The following GRIN3A variants were observed in gnomAD, a reference collection of about 807,000 sequenced individuals.
GRIN3A encodes the protein glutamate ionotropic receptor NMDA type subunit 3A.
GRIN3A carries 47 observed loss-of-function variants against 92.4 expected under a neutral mutation model. The ratio of observed to expected loss-of-function variants is 0.51; its 90% CI spans 0.40 to 0.65. GRIN3A has a LOEUF of 0.65. Among genes scored for constraint, GRIN3A ranks in the 30% least tolerant of loss-of-function variants. The probability of loss-of-function intolerance (pLI) is 0.00; values close to 1 mark genes in which losing one functional copy is unlikely to be tolerated. For missense variants in GRIN3A, 1,324 were observed against 1,393.1 expected, an observed-to-expected ratio of 0.95 and a Z score of 0.79; for synonymous variants, 527 against 540.6, an observed-to-expected ratio of 0.97 and a Z score of 0.35.
chr9:101,650,088 C>G (rs1355716377), intron 3 of GRIN3A, among the ~76,000 whole-genome samples: 1 of 152,022 alleles, frequency 6.6e-6, no homozygotes, highest in African/African-American at 2.4e-5. Flanking sequence ...TGGCTACTTA[C>G]CTGTTTATTT....
chr9:101,702,591 C>T (rs1431021318), intron 1 of GRIN3A, among the ~76,000 whole-genome samples: 2 of 152,124 alleles, frequency 1.3e-5, no homozygotes, highest in African/African-American at 4.8e-5. Flanking sequence ...TGCCACAGGC[C>T]ACTGTCTTTG....
chr9:101,702,336 T>A (rs922361088), intron 1 of GRIN3A, among the ~76,000 whole-genome samples: 3 of 152,134 alleles, frequency 2.0e-5, no homozygotes, highest in African/African-American at 7.2e-5. Flanking sequence ...TCACTTTACA[T>A]TTTCTTATCC....
chr9:101,628,188 T>C, intron 4 of GRIN3A, 68 bp downstream of exon 4: 1 of 1,505,500 alleles, frequency 6.6e-7, no homozygotes, highest in East Asian at 2.3e-5. Context: ...TAACATATAC[T>C]GCGTCAGTAG....
chr9:101,654,692 T>C (rs1444194714), intron 3 of GRIN3A, among the ~76,000 whole-genome samples: 1 of 151,808 alleles, frequency 6.6e-6, no homozygotes, highest in Non-Finnish European at 1.5e-5. Context: ...TAATTCATCA[T>C]TCAGAATTCA....
intron 2 of GRIN3A, among the ~76,000 whole-genome samples, chr9:101,678,375 T>C (rs999456050): frequency 1.3e-5 from 2 of 152,178 alleles, no homozygotes; most frequent in East Asian, 3.9e-4. Context: ...GGAACCTCTC[T>C]GATGAGAAGG....
At chr9:101,710,736 A>G (rs1285220243) in intron 1 of GRIN3A, among the ~76,000 whole-genome samples, 2 of 152,254 alleles carry the variant, frequency 1.3e-5, no homozygotes, top group East Asian at 1.9e-4. Flanking sequence ...TGTGGTACAG[A>G]GTTGACTGGC....
chr9:101,704,025 G>A (rs1829784152), intron 1 of GRIN3A, among the ~76,000 whole-genome samples: 3 of 152,046 alleles, frequency 2.0e-5, no homozygotes, highest in African/African-American at 7.2e-5. Context: ...AAGCGAAAGG[G>A]CTTCCTTTAA....
chr9:101,715,529 T>C (rs943880135), intron 1 of GRIN3A, among the ~76,000 whole-genome samples: 1 of 152,190 alleles, frequency 6.6e-6, no homozygotes, highest in Admixed American at 6.5e-5. Flanking sequence ...TTAAGAGTGA[T>C]TGTCTCTGGA....
chr9:101,726,717 T>A (rs1830085894), intron 1 of GRIN3A, among the ~76,000 whole-genome samples: 1 of 150,640 alleles, frequency 6.6e-6, no homozygotes, highest in African/African-American at 2.4e-5. Context: ...AAATTTATGT[T>A]TTTAAAATTT....
At chr9:101,652,853 ATGGC>A (rs1829032137) in intron 3 of GRIN3A, among the ~76,000 whole-genome samples, 1 of 151,964 alleles carries the variant, frequency 6.6e-6, no homozygotes, top group African/African-American at 2.4e-5. Flanking sequence ...GCCATGAATT[ATGGC>A]TTTTATGAGA....
intron 1 of GRIN3A, among the ~76,000 whole-genome samples, chr9:101,703,921 C>T (rs757807545): frequency 3.9e-5 from 6 of 152,130 alleles, no homozygotes; most frequent in Non-Finnish European, 8.8e-5. Context: ...TCAACATCTC[C>T]ATCTTGATCT....
chr9:101,679,158 G>C (rs993669657), intron 2 of GRIN3A, among the ~76,000 whole-genome samples: 1 of 152,122 alleles, frequency 6.6e-6, no homozygotes, highest in Non-Finnish European at 1.5e-5. Context: ...AGGGTTGTAG[G>C]GTATGCAGAT....
intron 5 of GRIN3A, among the ~76,000 whole-genome samples, chr9:101,617,192 G>A (rs1828470802): frequency 1.5e-5 from 2 of 132,830 alleles, no homozygotes; most frequent in African/African-American, 6.2e-5. Flanking sequence ...GGGCGACAGA[G>A]CGAGACTCCG....
At chr9:101,729,853 G>A (rs964097636) in intron 1 of GRIN3A, among the ~76,000 whole-genome samples, 9 of 152,098 alleles carry the variant, frequency 5.9e-5, no homozygotes, top group African/African-American at 2.2e-4. Context: ...CAAACCTGAA[G>A]CCCAAGTCGT....
chr9:101,654,910 T>C (rs1018893145), intron 3 of GRIN3A, among the ~76,000 whole-genome samples: 3 of 151,916 alleles, frequency 2.0e-5, no homozygotes, highest in African/African-American at 7.2e-5. Context: ...GCTATTGTAT[T>C]CCTAGCCTTT....
At chr9:101,660,577 T>C (rs1378029998) in intron 3 of GRIN3A, among the ~76,000 whole-genome samples, 2 of 151,838 alleles carry the variant, frequency 1.3e-5, no homozygotes, top group African/African-American at 2.4e-5. Context: ...CAGTGGTAGA[T>C]AGAATAAGAA....
At position 101,573,315 on chromosome 9, in the gene GRIN3A, A is replaced by C. The variant is rs760999947; in HGVS notation, c.3207T>G (p.Asn1069Lys). ...CCTGCATCACTGAGTTCCGAGATAC[A>C]TTTAGGGAGTCTGCTTTCCCATTGG... ...RTTNGKADSL[N>K]VSRNSVMQEL... is the part of the protein sequence containing the mutation. The change falls in exon 9 of 9, where the codon AAT becomes AAG. Residue 1069 changes from asparagine (N) to lysine (K), a missense_variant. Physicochemically the swap from Asn to Lys is moderately conservative, Grantham distance 94. Transcript: ENST00000361820. 1.2e-6 allele frequency: 2 copies of C among 1,614,020 alleles called. No homozygotes were observed. The highest frequency in any genetic ancestry group is 2.2e-5 in the South Asian group (2 of 91,078).
At chr9:101,707,335 A>G (rs945901284) in intron 1 of GRIN3A, among the ~76,000 whole-genome samples, 1 of 152,238 alleles carries the variant, frequency 6.6e-6, no homozygotes, top group Non-Finnish European at 1.5e-5. Flanking sequence ...ATTATTGTTT[A>G]TATCTAATAA....
chr9:101,701,036 G>C (rs1829745984), intron 1 of GRIN3A, among the ~76,000 whole-genome samples: 1 of 152,130 alleles, frequency 6.6e-6, no homozygotes, highest in African/African-American at 2.4e-5. Flanking sequence ...TGGAGGATGG[G>C]AGAAGGAAAC....
Sources: gnomAD v4.1 joint callset for allele counts (sites outside exome capture counted in the v4.1 genomes callset) on GRCh38, gnomAD v4.1.1 for gene constraint, MANE v1.5 for transcripts, NCBI Gene and HGNC (gene_info 2026-07-23, HGNC 2026-07-21) for gene names.